Variants in CBFA2T3 observed in about 807,000 individuals in gnomAD.
The protein encoded by CBFA2T3 is transcriptional corepressor CBFA2T3.
Under a neutral mutation model 58.6 loss-of-function variants are expected in CBFA2T3, and 31 were observed. That is an observed-to-expected ratio of 0.53 (90% confidence interval 0.40 to 0.71). The LOEUF is 0.71. CBFA2T3 is among the 30% of genes least tolerant of loss of function. The pLI is 0.00. For synonymous variants in CBFA2T3, 531 were observed against 421.9 expected (o/e 1.26, Z -3.17); for missense variants, 1,076 against 963.1 (o/e 1.12, Z -1.55).
At chr16:88,898,250 G>C (rs1355132654) in intron 2 of CBFA2T3, 98 bp from the exon 3 acceptor site, 1 of 905,232 alleles carries the variant, frequency 1.1e-6, no homozygotes, top group African/African-American at 1.6e-5. Flanking sequence ...ACTTCTCAGA[G>C]TGATTTTTGG....
At chr16:88,916,286 TTACA>T (rs1288874473) in intron 1 of CBFA2T3, among the ~76,000 whole-genome samples, 1 of 144,386 alleles carries the variant, frequency 6.9e-6, no homozygotes, top group Non-Finnish European at 1.5e-5. Context: ...GTATATGCAC[TTACA>T]TATACATGTG....
chr16:88,950,134 G>A (rs932700561), intron 1 of CBFA2T3: 1 of 454,962 alleles, frequency 2.2e-6, no homozygotes, highest in Non-Finnish European at 4.4e-6. Flanking sequence ...CTCTTTATCT[G>A]GATCTGTCTC....
At position 88,881,080 on chromosome 16, in the gene CBFA2T3, C is replaced by A. The variant is rs757305013; in HGVS notation, c.1402+211G>T. On this transcript the variant is annotated intron_variant, in intron 9 of 11. Transcript: ENST00000268679. ...AGAAGCAGAGACCCTCAGGGCCTCCCAGCTCCGAGCCTCTGGCCCACCAGA... is the reference window on the plus strand; with the variant it reads ...AGAAGCAGAGACCCTCAGGGCCTCCAAGCTCCGAGCCTCTGGCCCACCAGA... 27 of 712,806 alleles carry A rather than the reference C, an allele frequency of 3.8e-5. No homozygotes were observed. The Middle Eastern group carries it at 1.4e-3, about 36-fold the overall frequency. The allele number at this position is 712,806 out of a possible 1,614,324, so 44.2% of individuals were successfully genotyped here. A position where few individuals can be genotyped will look rare whatever the true frequency, so the allele number is the denominator to read the frequency against.
chr16:88,969,148 G>A (rs1319040333), intron 1 of CBFA2T3, among the ~76,000 whole-genome samples: 4 of 152,330 alleles, frequency 2.6e-5, no homozygotes, highest in East Asian at 1.9e-4. Flanking sequence ...CCCGGATGCC[G>A]CCGGGGTCAC....
At position 88,875,144 on chromosome 16, in the gene CBFA2T3, G is replaced by A. The variant is rs377676563; in HGVS notation, c.*1832C>T. 50 of 235,288 alleles carry A rather than the reference G, an allele frequency of 2.1e-4. No individual in the cohort carries two copies. The highest frequency in any genetic ancestry group is 7.6e-4 in the African/African-American group (34 of 44,968). 14.6% of individuals were successfully genotyped at this position (235,288 alleles called of 1,614,324 possible). A position where few individuals can be genotyped will look rare whatever the true frequency, so the allele number is the denominator to read the frequency against. On this transcript the variant is annotated 3_prime_UTR_variant, in exon 12 of 12. Coordinates refer to ENST00000268679, the MANE Select transcript of CBFA2T3 (RefSeq NM_005187.6). ...ACACAGATGCCAGGCCACGGGCCAC[G>A]CCACGCACACAGATGCCAGGCCACG...
rs539520898 is a variant in CBFA2T3, at chr16:88,921,848, GAC to G, written c.152-20194_152-20193del. 2.0e-3 allele frequency among the ~76,000 whole-genome samples: 308 copies of G among 152,362 alleles called. 1 individual carries two copies. The highest frequency in any genetic ancestry group is 7.0e-3 in the African/African-American group (289 of 41,578). ...TATGCGCCATAGCCTTCGTGGTAAT[GAC>G]ACAGTTTCTCGTTCGCTTGCTTCAT... On this transcript the variant is annotated intron_variant, in intron 1 of 11. Transcript: ENST00000268679.
intron 1 of CBFA2T3, among the ~76,000 whole-genome samples, chr16:88,934,161 G>A (rs1420271266): frequency 1.5e-5 from 2 of 135,006 alleles, no homozygotes; most frequent in African/African-American, 6.9e-5. Flanking sequence ...CTCGGCACAC[G>A]GAGGCACCGG....
At chr16:88,906,072 C>T (rs888839712) in intron 1 of CBFA2T3, among the ~76,000 whole-genome samples, 3 of 152,050 alleles carry the variant, frequency 2.0e-5, no homozygotes, top group African/African-American at 7.3e-5. Flanking sequence ...GCAGGGGGGT[C>T]CAGCACTCTC....
At chr16:88,919,009 A>G (rs1970828619) in intron 1 of CBFA2T3, among the ~76,000 whole-genome samples, 1 of 152,238 alleles carries the variant, frequency 6.6e-6, no homozygotes, top group Non-Finnish European at 1.5e-5. Flanking sequence ...TAAAGAAATC[A>G]ATGTACTTTA....
At chr16:88,877,370 T>C in intron 11 of CBFA2T3, 95 bp from the exon 12 acceptor site, 1 of 994,764 alleles carries the variant, frequency 1.0e-6, no homozygotes, top group Non-Finnish European at 1.5e-6. Flanking sequence ...AGCCACGTCA[T>C]CACCAGGTGA....
chr16:88,927,202 T>G (rs1031163096), intron 1 of CBFA2T3, among the ~76,000 whole-genome samples: 3 of 152,044 alleles, frequency 2.0e-5, no homozygotes, highest in African/African-American at 7.2e-5. Context: ...GCCTAACGAG[T>G]TGGGTCAGAT....
intron 7 of CBFA2T3, chr16:88,883,178 T>A (rs946921079): frequency 1.1e-5 from 3 of 266,870 alleles, no homozygotes; most frequent in Non-Finnish European, 2.2e-5. Context: ...AAGCGTGGCC[T>A]GAGGATGCCT....
rs531328503 is a variant in CBFA2T3, at chr16:88,882,250, T to C, written c.1203+426A>G. ...CTGTCTCCAGCAGCCCCAGGCCCCA[T>C]GGGGCAGAGCCATGGCCGTGTTTAT... is the stretch of plus-strand genomic sequence containing the variant. On this transcript the variant is annotated intron_variant, in intron 8 of 11. Coordinates refer to ENST00000268679, the MANE Select transcript of CBFA2T3 (RefSeq NM_005187.6). Among the ~76,000 whole-genome samples the C allele has an allele frequency of 3.3e-5, 5 of 152,230 alleles. No homozygotes were observed. The East Asian group carries it at 9.7e-4, about 29-fold the overall frequency.
chr16:88,892,616 G>T, intron 3 of CBFA2T3, 131 bp from the exon 4 acceptor site: 1 of 1,078,790 alleles, frequency 9.3e-7, no homozygotes, highest in South Asian at 1.3e-5. Context: ...TGAGACACAA[G>T]GACAGTAGCG....
chr16:88,884,843 A>T (rs1276544652), intron 7 of CBFA2T3: 7 of 466,188 alleles, frequency 1.5e-5, no homozygotes, highest in Non-Finnish European at 2.7e-5. Flanking sequence ...CCGGGGGGAG[A>T]GGTGGGTTCA....
intron 1 of CBFA2T3, among the ~76,000 whole-genome samples, chr16:88,925,255 G>A (rs1433831717): frequency 6.6e-6 from 1 of 152,196 alleles, no homozygotes; most frequent in Non-Finnish European, 1.5e-5. Context: ...GCCGGGCTTG[G>A]GCACGGTGCA....
At chr16:88,900,810 G>A (rs552236331) in intron 2 of CBFA2T3, among the ~76,000 whole-genome samples, 1 of 152,372 alleles carries the variant, frequency 6.6e-6, no homozygotes, top group African/African-American at 2.4e-5. Flanking sequence ...TGACTGTGAT[G>A]AGAACTGGCT....
At position 88,885,843 on chromosome 16, in the gene CBFA2T3, G is replaced by A. The variant is rs551573441; in HGVS notation, c.893+118C>T. ...ACCTCGCCACGCTCCCTCAGCCCGA[G>A]AGAGCCGGCCGGGCTGGCTGCAGCC... On this transcript the variant is annotated intron_variant, in intron 6 of 11. Coordinates refer to ENST00000268679, the MANE Select transcript of CBFA2T3 (RefSeq NM_005187.6). The surrounding 1 kb of genome is among the most constrained non-coding windows in gnomAD (Gnocchi z 5.3). 9.8e-6 allele frequency: 9 copies of A among 918,138 alleles called. No individual in the cohort carries two copies. In the South Asian group the frequency reaches 1.5e-4, roughly 15 times the overall value. 56.9% of individuals were successfully genotyped at this position (918,138 alleles called of 1,614,324 possible). A position where few individuals can be genotyped will look rare whatever the true frequency, so the allele number is the denominator to read the frequency against.
rs1390531203 is a variant in CBFA2T3 at position 88,877,146 on chromosome 16, C to T, written c.1792G>A (p.Gly598Ser). The change falls in exon 12 of 12, where the codon GGC becomes AGC. Residue 598 changes from glycine (G) to serine (S), a missense_variant. Gly to Ser is a moderately conservative substitution (Grantham distance 56). Coordinates refer to ENST00000268679, the MANE Select transcript of CBFA2T3 (RefSeq NM_005187.6). Reference sequence around the variant, plus strand: ...GGGTCGGCCACCACGGCTGTGGGGCCCTGCAGGCTCTGGCCACACACGTGG... The same window carrying T: ...GGGTCGGCCACCACGGCTGTGGGGCTCTGCAGGCTCTGGCCACACACGTGG... ...HHHVCGQSLQ[G>S]PTAVVADPVP... is the part of the protein sequence containing the mutation. The T allele has an allele frequency of 6.4e-7, 1 of 1,550,560 alleles. No homozygotes were observed. The highest frequency in any genetic ancestry group is 8.7e-7 in the Non-Finnish European group (1 of 1,147,640).
Sources: allele counts gnomAD v4.1 joint callset (sites outside exome capture counted in the v4.1 genomes callset), GRCh38; gene constraint gnomAD v4.1.1; non-coding constraint Gnocchi (gnomAD v3.1); transcripts MANE v1.5; gene names NCBI Gene and HGNC (gene_info 2026-07-23, HGNC 2026-07-21).